SLC7A6OS: variants seen among roughly 807,000 people sequenced by gnomAD.
SLC7A6OS encodes the protein solute carrier family 7 member 6 opposite strand.
In SLC7A6OS, 22 loss-of-function variants were observed where a neutral mutation model predicts 34.3. That is an observed-to-expected ratio of 0.64 (90% CI 0.46 to 0.92). The LOEUF is 0.92. SLC7A6OS is among the 40% of genes least tolerant of loss of function. The pLI is 0.00. For synonymous variants in SLC7A6OS, 199 were observed against 165.0 expected, an observed-to-expected ratio of 1.21 and a Z score of -1.58; for missense variants, 434 against 407.7, an observed-to-expected ratio of 1.06 and a Z score of -0.56.
At position 68,299,849 on chromosome 16, in the gene SLC7A6OS, T is replaced by C. The variant is rs1186227905; in HGVS notation, c.*1426A>G. On this transcript the variant is annotated 3_prime_UTR_variant, in exon 5 of 5. Coordinates refer to ENST00000263997, the MANE Select transcript of SLC7A6OS (RefSeq NM_032178.3). ...TTTGTTGTTTTAATTAGCTGCAATA[T>C]ATACGGCCTGTGTACACAGAATTTA... 6.6e-6 allele frequency: 1 copy of C among 152,210 alleles called. No individual in the cohort carries two copies. Among genetic ancestry groups the C allele is most frequent in the East Asian group, 1.9e-4 (1 of 5,202 alleles). The allele number at this position is 152,210 out of a possible 1,614,324, so 9.4% of individuals were successfully genotyped here.
chr16:68,301,279 T>C lies in SLC7A6OS; in HGVS notation c.926A>G (p.Asp309Gly). The stretch of plus-strand genomic sequence containing the variant: ...CTCATGGACATCACAAGACCATCAG[T>C]CTGAATCCAGGTCGTGGGGGCTGTC... ...GYDSPHDLDS[D>G] Residue 309 changes from aspartate (D) to glycine (G), a missense_variant, in exon 5 of 5, where the codon GAC (aspartate) becomes GGC (glycine). Transcript: ENST00000263997. The C allele has an allele frequency of 1.2e-6, 2 of 1,614,010 alleles. No homozygotes were observed. The highest frequency in any genetic ancestry group is 1.7e-6 in the Non-Finnish European group (2 of 1,179,920).
intron 2 of SLC7A6OS, among the ~76,000 whole-genome samples, chr16:68,307,925 G>C (rs1025277969): frequency 6.6e-6 from 1 of 152,002 alleles, no homozygotes; most frequent in South Asian, 2.1e-4. Context: ...TTTTGAGATG[G>C]AGTTTTGCTC....
chr16:68,306,324 T>C lies in SLC7A6OS; in HGVS notation c.472-2092A>G, dbSNP rs900432097. 5.3e-5 allele frequency among the ~76,000 whole-genome samples: 8 copies of C among 152,304 alleles called. No homozygotes were observed. The East Asian group carries it at 1.4e-3, about 26-fold the overall frequency. ...ACCTCTGCCTCCCGGGTTCAAGTGA[T>C]TCTCCTGCCTCAGCCTCCTGAGTAG... On this transcript the variant is annotated intron_variant, in intron 2 of 4. Coordinates refer to ENST00000263997, the MANE Select transcript of SLC7A6OS (RefSeq NM_032178.3).
intron 4 of SLC7A6OS, chr16:68,301,685 G>A (rs1438716757): frequency 4.0e-6 from 1 of 249,978 alleles, no homozygotes; most frequent in African/African-American, 2.2e-5. Flanking sequence ...GTTGTTGTAA[G>A]AGTTGTAGTC....
At chr16:68,309,521 T>A (rs533531570) in intron 2 of SLC7A6OS, among the ~76,000 whole-genome samples, 1 of 152,292 alleles carries the variant, frequency 6.6e-6, no homozygotes, top group Admixed American at 6.5e-5. Flanking sequence ...TCAGCTACTG[T>A]GCCCAGCCTC....
At position 68,299,998 on chromosome 16, in the gene SLC7A6OS, TAA is replaced by T. The variant is rs1455292006; in HGVS notation, c.*1275_*1276del. 6.6e-6 allele frequency: 1 copy of T among 152,144 alleles called. No individual in the cohort carries two copies. The highest frequency in any genetic ancestry group is 1.5e-5 in the Non-Finnish European group (1 of 68,036). 9.4% of individuals were successfully genotyped at this position (152,144 alleles called of 1,614,324 possible). On this transcript the variant is annotated 3_prime_UTR_variant, in exon 5 of 5. Transcript: ENST00000263997. ...TGAAGGAGAGATACTTAGGAAATCC[TAA>T]AAGAGGCGGCAAGAAGGTACCTCCC...
At position 68,301,135 on chromosome 16, in the gene SLC7A6OS, G is replaced by C. The variant is rs2043264851; in HGVS notation, c.*140C>G. 1 of 1,425,356 alleles carries C rather than the reference G, an allele frequency of 7.0e-7. No individual in the cohort carries two copies. Among genetic ancestry groups the C allele is most frequent in the Non-Finnish European group, 9.2e-7 (1 of 1,085,524 alleles). The allele number at this position is 1,425,356 out of a possible 1,614,324, so 88.3% of individuals were successfully genotyped here. A position where few individuals can be genotyped will look rare whatever the true frequency, so the allele number is the denominator to read the frequency against. ...ACATAAGTTTTCACTGTGGTGGGAT[G>C]GTGCCGCCCGATATGCTTGATATGC... On this transcript the variant is annotated 3_prime_UTR_variant, in exon 5 of 5. Coordinates refer to ENST00000263997, the MANE Select transcript of SLC7A6OS (RefSeq NM_032178.3).
chr16:68,304,227 A>G lies in SLC7A6OS; in HGVS notation c.477T>C (p.Ser159=). The change falls in exon 3 of 5, where the codon TCT becomes TCC. Residue 159 remains serine (S), a synonymous_variant. Coordinates refer to ENST00000263997, the MANE Select transcript of SLC7A6OS (RefSeq NM_032178.3). ...EAASAGSCKT[S]DPDVILCNSV... ...AATTGCAGAGGATCACATCTGGGTC[A>G]GATGTCTGTAAAGAAACCACAGATT... is the stretch of plus-strand genomic sequence containing the variant. The G allele has an allele frequency of 6.2e-7, 1 of 1,614,128 alleles. No homozygotes were observed. Among genetic ancestry groups the G allele is most frequent in the Non-Finnish European group, 8.5e-7 (1 of 1,179,948 alleles).
Position 68,310,636 on chromosome 16 carries a change from G to A in SLC7A6OS, c.193-23C>T, listed in dbSNP as rs779969747. The A allele has an allele frequency of 1.2e-5, 19 of 1,586,274 alleles. No individual in the cohort carries two copies. The South Asian group carries it at 1.8e-4, about 15-fold the overall frequency. ...CTCCTAGGGGGCAACAGGGGACGGA[G>A]GCCAGCGTAAGCAGGAGTTCGCGAG... On this transcript the variant is annotated intron_variant, in intron 1 of 4. Coordinates refer to ENST00000263997, the MANE Select transcript of SLC7A6OS (RefSeq NM_032178.3).
At chr16:68,310,210 A>G (rs1300908319) in intron 2 of SLC7A6OS, 125 bp downstream of exon 2, 2 of 1,113,676 alleles carry the variant, frequency 1.8e-6, no homozygotes, top group Non-Finnish European at 2.5e-6. Flanking sequence ...CAAATCTGTA[A>G]AATGAGGCCG....
At chr16:68,310,704 C>A (rs2043491184) in intron 1 of SLC7A6OS, 31 bp downstream of exon 1, 2 of 1,585,398 alleles carry the variant, frequency 1.3e-6, no homozygotes, top group East Asian at 4.5e-5. Flanking sequence ...CCCGAAGATG[C>A]CCTCCACACC....
At position 68,298,468 on chromosome 16, in the gene SLC7A6OS, T is replaced by C. The variant is rs755695144; in HGVS notation, c.*2807A>G. On this transcript the variant is annotated 3_prime_UTR_variant, in exon 5 of 5. Transcript: ENST00000263997. ...TCTGAAAACCTCACATCAGGCTGCA[T>C]CCTCTTCTGTCCCTGGCACCAGGCT... 7.9e-5 allele frequency: 12 copies of C among 152,330 alleles called. No individual in the cohort carries two copies. Among genetic ancestry groups the C allele is most frequent in the Non-Finnish European group, 1.5e-4 (10 of 68,094 alleles). 9.4% of individuals were successfully genotyped at this position (152,330 alleles called of 1,614,324 possible). A position where few individuals can be genotyped will look rare whatever the true frequency, so the allele number is the denominator to read the frequency against.
chr16:68,308,193 T>C (rs2043340163), intron 2 of SLC7A6OS, among the ~76,000 whole-genome samples: 1 of 151,704 alleles, frequency 6.6e-6, no homozygotes, highest in Non-Finnish European at 1.5e-5. Flanking sequence ...TGAGCCACTG[T>C]GCCCGGCCTA....
In SLC7A6OS at chr16:68,304,084, G is replaced by A; in HGVS notation, c.620C>T (p.Thr207Ile). 6.2e-7 allele frequency: 1 copy of A among 1,614,124 alleles called. No individual in the cohort carries two copies. The highest frequency in any genetic ancestry group is 8.5e-7 in the Non-Finnish European group (1 of 1,180,010). ...GAGGATGTTCTCAATCCAGCCTGGA[G>A]TGGCCGTCTCCAAGTAGTAAATGTC... ...VYDIYYLETA[T>I]PGWIENILSV... is the part of the protein sequence containing the mutation. Residue 207 changes from threonine (T) to isoleucine (I), a missense_variant, in exon 3 of 5, where the codon ACT becomes ATT. Transcript: ENST00000263997.
chr16:68,310,238 TC>T (rs1293602421), intron 2 of SLC7A6OS, 96 bp downstream of exon 2: 5 of 1,328,970 alleles, frequency 3.8e-6, no homozygotes, highest in Non-Finnish European at 4.1e-6. Context: ...GGATGGATCA[TC>T]CATCCCCTTA....
rs746909854 is a variant in SLC7A6OS, at chr16:68,304,143, G to T, written c.561C>A (p.Arg187=). Residue 187 remains arginine (R), a synonymous_variant, in exon 3 of 5, where the codon CGC becomes CGA. Coordinates refer to ENST00000263997, the MANE Select transcript of SLC7A6OS (RefSeq NM_032178.3). ...AGTCATCGTGTTTTTGTTCTTCCTGGCGCCTGACTCCTGGTCCATCCTCAG... is the reference window on the plus strand; with the variant it reads ...AGTCATCGTGTTTTTGTTCTTCCTGTCGCCTGACTCCTGGTCCATCCTCAG... ...TVSEDGPGVR[R]QEEQKHDDYV... 5.0e-6 allele frequency: 8 copies of T among 1,614,084 alleles called. No individual in the cohort carries two copies. Among genetic ancestry groups the T allele is most frequent in the Non-Finnish European group, 6.8e-6 (8 of 1,180,022 alleles).
At chr16:68,310,259 T>C in intron 2 of SLC7A6OS, 76 bp downstream of exon 2, 1 of 1,449,218 alleles carries the variant, frequency 6.9e-7, no homozygotes, top group African/African-American at 1.4e-5. Flanking sequence ...AAGATGAAAC[T>C]GTGCTGCGAC....
At chr16:68,301,504 G>T in intron 4 of SLC7A6OS, 99 bp from the exon 5 acceptor site, 2 of 962,890 alleles carry the variant, frequency 2.1e-6, no homozygotes, top group Non-Finnish European at 3.0e-6. Context: ...GTTCCCGATT[G>T]TAATGCAAAA....
Position 68,310,472 on chromosome 16 carries a change from A to G in SLC7A6OS, c.334T>C (p.Leu112=), listed in dbSNP as rs775306027. 2 of 1,598,804 alleles carry G rather than the reference A, an allele frequency of 1.3e-6. No individual in the cohort carries two copies. The highest frequency in any genetic ancestry group is 1.3e-5 in the African/African-American group (1 of 74,632). The change falls in exon 2 of 5, where the codon TTG becomes CTG. Residue 112 remains leucine, a synonymous_variant. Coordinates refer to ENST00000263997, the MANE Select transcript of SLC7A6OS (RefSeq NM_032178.3). The part of the protein sequence containing the change: ...RYRVLSSRRS[L]GTTSSGQESE... ...TCCTGGCCGCTCGAGGTGGTCCCCA[A>G]GGATCGGCGGCTGGAAAGCACCCGG...
Sources: gnomAD v4.1 joint callset for allele counts (sites outside exome capture counted in the v4.1 genomes callset) on GRCh38, gnomAD v4.1.1 for gene constraint, MANE v1.5 for transcripts, NCBI Gene and HGNC (gene_info 2026-07-23, HGNC 2026-07-21) for gene names.